CBX5: variants seen among roughly 807,000 people sequenced by gnomAD.
CBX5 encodes the protein chromobox 5.
A neutral mutation model predicts 20.7 loss-of-function variants in CBX5; 7 were observed. The ratio of observed to expected loss-of-function variants is 0.34; its 90% CI spans 0.19 to 0.63. CBX5 has a LOEUF of 0.63. CBX5 is among the 30% of genes least tolerant of loss of function. The pLI, the probability that CBX5 is intolerant of heterozygous loss-of-function variation, is 0.75. For missense variants in CBX5, 110 were observed against 224.1 expected, an observed-to-expected ratio of 0.49 and a Z score of 3.25; for synonymous variants, 78 against 77.0, an observed-to-expected ratio of 1.01 and a Z score of -0.07.
chr12:54,270,800 C>T (rs1944001555), intron 1 of CBX5, among the ~76,000 whole-genome samples: 1 of 152,074 alleles, frequency 6.6e-6, no homozygotes, highest in African/African-American at 2.4e-5. Context: ...GCCTGTAATC[C>T]CAGCACTTTG....
rs1224854108 is a variant in CBX5, at chr12:54,239,376, A to C, written c.*2379T>G. 1 of 152,156 alleles carries C rather than the reference A, an allele frequency of 6.6e-6. No individual in the cohort carries two copies. The highest frequency in any genetic ancestry group is 1.5e-5 in the Non-Finnish European group (1 of 68,020). 9.4% of individuals were successfully genotyped at this position (152,156 alleles called of 1,614,324 possible). On this transcript the variant is annotated 3_prime_UTR_variant, in exon 5 of 5. Transcript: ENST00000209875. Reference sequence around the variant, plus strand: ...ATACTAGGTTTTTGGTTTTAAAAATAAGGTCGCTGCAGTTTACATGCCCAC... The same window carrying C: ...ATACTAGGTTTTTGGTTTTAAAAATCAGGTCGCTGCAGTTTACATGCCCAC...
At chr12:54,278,163 A>G (rs1030850493) in intron 1 of CBX5, among the ~76,000 whole-genome samples, 2 of 152,228 alleles carry the variant, frequency 1.3e-5, no homozygotes, top group Non-Finnish European at 2.9e-5. Flanking sequence ...CAGTGGGTAG[A>G]GGCCAGGAAT....
chr12:54,274,900 A>G (rs928308092), intron 1 of CBX5, among the ~76,000 whole-genome samples: 1 of 152,150 alleles, frequency 6.6e-6, no homozygotes, highest in Admixed American at 6.5e-5. Context: ...AGATCACGCC[A>G]CTGCACTCTA....
chr12:54,249,539 T>C (rs1033008364), intron 3 of CBX5, among the ~76,000 whole-genome samples: 2 of 152,036 alleles, frequency 1.3e-5, no homozygotes, highest in African/African-American at 2.4e-5. Context: ...TAGGGATGAT[T>C]GTGGCAGCTA....
intron 1 of CBX5, among the ~76,000 whole-genome samples, chr12:54,278,294 T>C (rs1678752269): frequency 6.6e-6 from 1 of 152,228 alleles, no homozygotes. Flanking sequence ...ACTGTATTCC[T>C]TCCAAACCTA....
chr12:54,251,572 T>C (rs1161757516), intron 3 of CBX5, among the ~76,000 whole-genome samples: 2 of 142,840 alleles, frequency 1.4e-5, no homozygotes, highest in African/African-American at 2.6e-5. Context: ...GTGCCTATAA[T>C]CCCAGCTACT....
At chr12:54,275,990 CAAAAAAAAAAA>C (rs55963261) in intron 1 of CBX5, among the ~76,000 whole-genome samples, 2 of 90,728 alleles carry the variant, frequency 2.2e-5, no homozygotes, top group African/African-American at 9.0e-5. Context: ...GACTCCATTC[CAAAAAAAAAAA>C]AAAAAAAAAC....
At chr12:54,245,172 A>G (rs1356167685) in intron 4 of CBX5, among the ~76,000 whole-genome samples, 2 of 151,852 alleles carry the variant, frequency 1.3e-5, no homozygotes, top group Admixed American at 1.3e-4. Context: ...CACCACGCCC[A>G]GCTAATTTTT....
chr12:54,273,854 C>T (rs1002196542), intron 1 of CBX5: 5 of 152,100 alleles, frequency 3.3e-5, no homozygotes, highest in South Asian at 2.1e-4. Flanking sequence ...GTTATAGCAG[C>T]CACAGGAAAC....
intron 1 of CBX5, among the ~76,000 whole-genome samples, chr12:54,270,100 T>C (rs1323121426): frequency 6.6e-6 from 1 of 152,194 alleles, no homozygotes; most frequent in Non-Finnish European, 1.5e-5. Context: ...TTTTTTCTAT[T>C]CTCTATTGTT....
intron 4 of CBX5, among the ~76,000 whole-genome samples, chr12:54,243,386 G>C (rs1943698937): frequency 6.6e-6 from 1 of 151,982 alleles, no homozygotes; most frequent in Non-Finnish European, 1.5e-5. Context: ...AGGAAGACCT[G>C]GTCTCTTCAA....
intron 1 of CBX5, among the ~76,000 whole-genome samples, chr12:54,265,689 A>G (rs1302857143): frequency 6.6e-6 from 1 of 152,220 alleles, no homozygotes; most frequent in Non-Finnish European, 1.5e-5. Flanking sequence ...AGAAGAGAGC[A>G]TGGAGGCAAG....
intron 1 of CBX5, among the ~76,000 whole-genome samples, chr12:54,276,045 ATT>A (rs1337661516): frequency 2.0e-5 from 3 of 150,010 alleles, no homozygotes; most frequent in African/African-American, 4.9e-5. Flanking sequence ...CAATATTTTT[ATT>A]GTTTTCCCTC....
At chr12:54,259,110 G>A (rs993227700) in intron 1 of CBX5, among the ~76,000 whole-genome samples, 8 of 152,106 alleles carry the variant, frequency 5.3e-5, no homozygotes. Flanking sequence ...CAAAATGTAG[G>A]TGCGGGGGGG....
intron 4 of CBX5, among the ~76,000 whole-genome samples, chr12:54,245,706 G>A (rs1053029186): frequency 2.6e-5 from 4 of 151,804 alleles, no homozygotes; most frequent in African/African-American, 4.8e-5. Context: ...CAGGAGTATC[G>A]CTTGAACCCG....
chr12:54,256,513 CT>C (rs1284069626), intron 2 of CBX5, among the ~76,000 whole-genome samples: 1 of 152,168 alleles, frequency 6.6e-6, no homozygotes, highest in African/African-American at 2.4e-5. Context: ...TGGTAAACCA[CT>C]GTATCTTTTA....
intron 1 of CBX5, among the ~76,000 whole-genome samples, chr12:54,270,088 G>GT (rs1245794617): frequency 1.3e-5 from 2 of 151,474 alleles, no homozygotes; most frequent in African/African-American, 2.4e-5. Flanking sequence ...AGAACTTTCC[G>GT]TTTTTTTCTA....
intron 1 of CBX5, among the ~76,000 whole-genome samples, chr12:54,268,985 A>G (rs369074352): frequency 3.9e-5 from 6 of 152,354 alleles, no homozygotes; most frequent in South Asian, 2.1e-4. Flanking sequence ...GTTTTGGGCC[A>G]GGCACGGTGG....
At chr12:54,279,277 G>A (rs983014880) in intron 1 of CBX5, among the ~76,000 whole-genome samples, 5 of 151,340 alleles carry the variant, frequency 3.3e-5, no homozygotes, top group African/African-American at 1.2e-4. Flanking sequence ...AGCGACTTCT[G>A]AAAGTATTAT....
Sources: allele counts gnomAD v4.1 joint callset (sites outside exome capture counted in the v4.1 genomes callset), GRCh38; gene constraint gnomAD v4.1.1; transcripts MANE v1.5; gene names NCBI Gene and HGNC (gene_info 2026-07-23, HGNC 2026-07-21).